Variants in E2F2 observed in about 807,000 individuals in gnomAD.
E2F2 encodes the protein transcription factor E2F2.
Under a neutral mutation model 42.2 loss-of-function variants are expected in E2F2, and 22 were observed. The observed-to-expected ratio is 0.52, with a 90% CI of 0.37 to 0.74. The LOEUF (loss-of-function observed/expected upper bound fraction) is 0.74. Among genes scored for constraint, E2F2 ranks in the 30% least tolerant of loss-of-function variants. E2F2 has a pLI of 0.00. For missense variants in E2F2, 481 were observed against 557.8 expected (o/e 0.86, Z 1.39); for synonymous variants, 248 against 251.6 (o/e 0.99, Z 0.13).
rs1570448628 is a variant in E2F2, at chr1:23,507,832, C to T, written c.*2048G>A. The T allele has an allele frequency of 2.0e-5, 3 of 152,244 alleles. No homozygotes were observed. The highest frequency in any genetic ancestry group is 1.9e-4 in the East Asian group (1 of 5,198). 9.4% of individuals were successfully genotyped at this position (152,244 alleles called of 1,614,324 possible). On this transcript the variant is annotated 3_prime_UTR_variant, in exon 7 of 7. Coordinates refer to ENST00000361729, the MANE Select transcript of E2F2 (RefSeq NM_004091.4). ...TCCAGACTTCAGTATTAAACTCATTCCCAATGGGTCCTGCAGGCCCCTTCT... is the reference window on the plus strand; with the variant it reads ...TCCAGACTTCAGTATTAAACTCATTTCCAATGGGTCCTGCAGGCCCCTTCT...
intron 1 of E2F2, among the ~76,000 whole-genome samples, chr1:23,527,471 A>G (rs1333495644): frequency 6.6e-6 from 1 of 152,186 alleles, no homozygotes; most frequent in South Asian, 2.1e-4. Context: ...ACCCCTATGG[A>G]GAAGAGTACA....
intron 3 of E2F2, 70 bp from the exon 4 acceptor site, chr1:23,521,141 G>A: frequency 6.9e-7 from 1 of 1,443,782 alleles, no homozygotes; most frequent in Non-Finnish European, 9.2e-7. Flanking sequence ...TCAAAAAATA[G>A]TCTATGAGGG....
intron 5 of E2F2, among the ~76,000 whole-genome samples, chr1:23,517,723 G>A (rs1465718356): frequency 2.0e-5 from 3 of 152,224 alleles, no homozygotes; most frequent in African/African-American, 7.2e-5. Flanking sequence ...TAAATTAAAG[G>A]CAGCGGAAAA....
rs66460864 is a variant in E2F2 at position 23,520,243 on chromosome 1, C to CAAAAAAA, written c.737+663_737+669dup. ...CCTGGGCAAGAGTGAGACTCTGTCT[C>CAAAAAAA]AAAAAAAAAAAAAAAAAAAAAAAAA... On this transcript the variant is annotated intron_variant, in intron 4 of 6. Transcript: ENST00000361729. Among the ~76,000 whole-genome samples the CAAAAAAA allele has an allele frequency of 1.6e-4, 13 of 78,866 alleles. 1 individual carries two copies. The highest frequency in any genetic ancestry group is 8.2e-4 in the African/African-American group (10 of 12,136). The allele number at this position is 78,866 out of a possible 152,430, so 51.7% of individuals were successfully genotyped here. A position where few individuals can be genotyped will look rare whatever the true frequency, so the allele number is the denominator to read the frequency against.
intron 6 of E2F2, among the ~76,000 whole-genome samples, chr1:23,514,016 C>T (rs1340051286): frequency 4.0e-5 from 6 of 150,474 alleles, no homozygotes; most frequent in African/African-American, 1.5e-4. Flanking sequence ...CCTAGCTACT[C>T]GGGAGGCTGA....
At chr1:23,513,713 C>T (rs1425972466) in intron 6 of E2F2, among the ~76,000 whole-genome samples, 1 of 151,608 alleles carries the variant, frequency 6.6e-6, no homozygotes, top group Admixed American at 6.6e-5. Context: ...TACTATGAGG[C>T]CATGTGACAA....
chr1:23,513,610 G>GTA (rs1491480128), intron 6 of E2F2, among the ~76,000 whole-genome samples: 5 of 141,638 alleles, frequency 3.5e-5, no homozygotes, highest in Non-Finnish European at 7.8e-5. Flanking sequence ...GTGTGTGTGT[G>GTA]TCTGTGCAGG....
At chr1:23,518,925 G>C (rs1291417156) in intron 5 of E2F2, 91 bp downstream of exon 5, 14 of 969,248 alleles carry the variant, frequency 1.4e-5, no homozygotes, top group Non-Finnish European at 2.2e-5. Flanking sequence ...CATGGGGCTA[G>C]GCAGTGCCAG....
chr1:23,516,496 T>A lies in E2F2; in HGVS notation c.884A>T (p.Gln295Leu). The A allele has an allele frequency of 6.2e-7, 1 of 1,609,254 alleles. No individual in the cohort carries two copies. ...GCACAGGTAGACTTCGATGGGCCCT[T>A]GGGTGCTCTTGAGATATATCTGCAG... The part of the protein sequence containing the change: ...DNLQIYLKST[Q>L]GPIEVYLCPE... The change falls in exon 6 of 7, where the codon CAA (glutamine) becomes CTA (leucine). Residue 295 changes from glutamine to leucine, a missense_variant. Gln to Leu is a moderately radical substitution (Grantham distance 113). Coordinates refer to ENST00000361729, the MANE Select transcript of E2F2 (RefSeq NM_004091.4).
At chr1:23,516,207 G>A in intron 6 of E2F2, 128 bp downstream of exon 6, 1 of 1,242,050 alleles carries the variant, frequency 8.1e-7, no homozygotes, top group Non-Finnish European at 1.1e-6. Context: ...ATGCACATGT[G>A]TGGGGTAGGA....
intron 1 of E2F2, among the ~76,000 whole-genome samples, chr1:23,527,468 T>A (rs1643270549): frequency 6.6e-6 from 1 of 152,142 alleles, no homozygotes; most frequent in South Asian, 2.1e-4. Context: ...CCAACCCCTA[T>A]GGAGAAGAGT....
Position 23,509,907 on chromosome 1 carries a change from G to T in E2F2, c.1287C>A (p.Tyr429Ter). Reference sequence around the variant, plus strand: ...AATTAATCAACAGGTCCCCAAGGTCGTAGGAGTCGAAGAGATCGCTGATGC... The same window carrying T: ...AATTAATCAACAGGTCCCCAAGGTCTTAGGAGTCGAAGAGATCGCTGATGC... The part of the protein sequence containing the change: ...GEGISDLFDS[Y>*]DLGDLLIN Residue 429 changes from tyrosine to a stop codon, truncating the protein, a stop_gained, in exon 7 of 7, where the codon TAC becomes TAA. Transcript: ENST00000361729. LOFTEE classifies it high-confidence loss of function. The T allele has an allele frequency of 1.3e-5, 20 of 1,575,580 alleles. No individual in the cohort carries two copies. The highest frequency in any genetic ancestry group is 1.7e-5 in the Non-Finnish European group (20 of 1,158,348).
At chr1:23,523,526 C>T (rs898559618) in intron 2 of E2F2, among the ~76,000 whole-genome samples, 3 of 152,080 alleles carry the variant, frequency 2.0e-5, no homozygotes, top group Non-Finnish European at 2.9e-5. Flanking sequence ...GAAGGCACCA[C>T]CTGGGCAGCC....
At chr1:23,526,774 C>T (rs1643257495) in intron 1 of E2F2, among the ~76,000 whole-genome samples, 1 of 152,192 alleles carries the variant, frequency 6.6e-6, no homozygotes, top group Admixed American at 6.5e-5. Context: ...GCATCCCACA[C>T]ACGCTGCCCC....
intron 5 of E2F2, among the ~76,000 whole-genome samples, chr1:23,518,392 AC>A (rs1428143020): frequency 6.6e-6 from 1 of 151,938 alleles, no homozygotes; most frequent in African/African-American, 2.4e-5. Flanking sequence ...AATCGCTTCA[AC>A]CCAGGAGGCG....
Position 23,530,865 on chromosome 1 carries a change from C to A in E2F2, c.-72G>T, listed in dbSNP as rs944274893. 7.1e-7 allele frequency: 1 copy of A among 1,408,502 alleles called. No homozygotes were observed. The allele number at this position is 1,408,502 out of a possible 1,614,324, so 87.3% of individuals were successfully genotyped here. A position where few individuals can be genotyped will look rare whatever the true frequency, so the allele number is the denominator to read the frequency against. On this transcript the variant is annotated 5_prime_UTR_variant, in exon 1 of 7. Transcript: ENST00000361729. This position sits in a 1 kb window ranked among gnomAD's most constrained non-coding sequence, Gnocchi z 4.4. ...ACACCTGCGGGTTCCGGTGCTGCCG[C>A]CTTTCACACGGCCCGCGGCATGGCG... is the stretch of plus-strand genomic sequence containing the variant.
At chr1:23,506,124 A>G (rs1292946250), downstream of E2F2, among the ~76,000 whole-genome samples, 1 of 152,144 alleles carries the variant, frequency 6.6e-6, no homozygotes, top group African/African-American at 2.4e-5. Flanking sequence ...TGAGGACTAC[A>G]GTTGGACCCA....
At chr1:23,505,569 A>G (rs889194164), downstream of E2F2, among the ~76,000 whole-genome samples, 4 of 152,042 alleles carry the variant, frequency 2.6e-5, no homozygotes, top group African/African-American at 9.7e-5. Context: ...CTGGAATGCA[A>G]TGGCGCCATC....
intron 6 of E2F2, among the ~76,000 whole-genome samples, 176 bp downstream of exon 6, chr1:23,516,159 C>T (rs1424950912): frequency 1.3e-5 from 2 of 152,186 alleles, no homozygotes. Context: ...GGAGCAGCAC[C>T]AGCCTTCCTA....
Sources: gnomAD v4.1 joint callset for allele counts (sites outside exome capture counted in the v4.1 genomes callset) on GRCh38, gnomAD v4.1.1 for gene constraint, Gnocchi (gnomAD v3.1) non-coding constraint, MANE v1.5 for transcripts, NCBI Gene and HGNC (gene_info 2026-07-23, HGNC 2026-07-21) for gene names.